DPF3: variants seen among roughly 807,000 people sequenced by gnomAD.
DPF3 encodes zinc finger protein DPF3.
DPF3 carries 18 observed loss-of-function variants against 56.8 expected under a neutral mutation model. The ratio of observed to expected loss-of-function variants is 0.32; its 90% CI spans 0.22 to 0.47. The LOEUF (loss-of-function observed/expected upper bound fraction) is 0.47. Ranked by LOEUF, DPF3 falls within the 20% of genes least tolerant of loss-of-function variation. The pLI is 1.00. For missense variants in DPF3, 403 were observed against 488.8 expected (o/e 0.82, Z 1.65); for synonymous variants, 188 against 180.2 (o/e 1.04, Z -0.35).
At chr14:72,699,644 C>T (rs4903048) in intron 6 of DPF3, among the ~76,000 whole-genome samples, 60,494 of 151,848 alleles carry the variant, frequency 0.4, 13,695 homozygotes, top group East Asian at 0.84. Context: ...ACAGGTCCTG[C>T]CAACAGCTAT....
chr14:72,816,380 G>A (rs999037240), intron 1 of DPF3, among the ~76,000 whole-genome samples: 1 of 152,098 alleles, frequency 6.6e-6, no homozygotes, highest in Non-Finnish European at 1.5e-5. Context: ...CTTCTCCATC[G>A]TATGAGTCTA....
Position 72,731,801 on chromosome 14 carries a change from G to A in DPF3, c.429+6C>T. On this transcript the variant is annotated splice_donor_region_variant and intron_variant, in intron 4 of 10. Coordinates refer to ENST00000556509, the MANE Select transcript of DPF3 (RefSeq NM_001280542.3). ...TCTGTGGGGTCCCCAGCAGGTGTGG[G>A]AATACCTGTATTTCCTGGATGCTTT... is the stretch of plus-strand genomic sequence containing the variant. 1 of 1,613,392 alleles carries A rather than the reference G, an allele frequency of 6.2e-7. No individual in the cohort carries two copies.
At chr14:72,697,657 G>C (rs538537880) in intron 6 of DPF3, among the ~76,000 whole-genome samples, 8 of 152,324 alleles carry the variant, frequency 5.3e-5, no homozygotes, top group Middle Eastern at 6.8e-3. Flanking sequence ...AAGTTAAGCA[G>C]ACTGACATGT....
chr14:72,827,264 C>A (rs1194413824), intron 1 of DPF3, among the ~76,000 whole-genome samples: 1 of 152,050 alleles, frequency 6.6e-6, no homozygotes, highest in Admixed American at 6.6e-5. Flanking sequence ...CCTCCTCCCT[C>A]CTGCCATGGC....
chr14:72,731,717 G>T, intron 4 of DPF3, 90 bp downstream of exon 4: 1 of 1,551,292 alleles, frequency 6.4e-7, no homozygotes, highest in Non-Finnish European at 8.8e-7. Context: ...GCCCTTGAGG[G>T]GAGGATCTGG....
At chr14:72,732,635 G>A (rs1429423078) in intron 3 of DPF3, among the ~76,000 whole-genome samples, 1 of 152,160 alleles carries the variant, frequency 6.6e-6, no homozygotes, top group African/African-American at 2.4e-5. Flanking sequence ...TTTTCTGAAG[G>A]TATCAGGAGT....
At chr14:72,662,875 A>C (rs933747747) in intron 8 of DPF3, 6 of 965,226 alleles carry the variant, frequency 6.2e-6, no homozygotes, top group Middle Eastern at 1.1e-3. Context: ...AAAAAACAAC[A>C]GCATGGAACA....
chr14:72,835,566 C>T (rs2140059088), intron 1 of DPF3, among the ~76,000 whole-genome samples: 1 of 152,302 alleles, frequency 6.6e-6, no homozygotes. Context: ...AGCAGTTTCT[C>T]CAGCTTGCAG....
intron 8 of DPF3, among the ~76,000 whole-genome samples, chr14:72,635,199 G>A (rs374612272): frequency 6.6e-6 from 1 of 152,276 alleles, no homozygotes; most frequent in East Asian, 1.9e-4. Context: ...TGGCTTCAGG[G>A]TGCTATTTCA....
intron 2 of DPF3, among the ~76,000 whole-genome samples, chr14:72,759,809 T>TACAGGA (rs1308505005): frequency 1.3e-5 from 2 of 151,972 alleles, no homozygotes; most frequent in African/African-American, 4.8e-5. Flanking sequence ...TGTTAACATA[T>TACAGGA]ACAGGAACAT....
chr14:72,683,312 A>G, intron 7 of DPF3, among the ~76,000 whole-genome samples: 1 of 139,998 alleles, frequency 7.1e-6, no homozygotes. Flanking sequence ...GGGTGACAGA[A>G]CAAGACCCCA....
At chr14:72,671,066 T>A (rs1886651288) in intron 8 of DPF3, 6 of 1,552,802 alleles carry the variant, frequency 3.9e-6, no homozygotes, top group South Asian at 3.6e-5. Context: ...AAAAAATATA[T>A]ATCAGAACCA....
chr14:72,755,118 C>T (rs752291442), intron 2 of DPF3, among the ~76,000 whole-genome samples: 1 of 152,208 alleles, frequency 6.6e-6, no homozygotes, highest in Non-Finnish European at 1.5e-5. Flanking sequence ...ATCTCTGGGC[C>T]TTAGGTTTCC....
intron 6 of DPF3, among the ~76,000 whole-genome samples, chr14:72,709,763 G>A (rs2153575155): frequency 6.6e-6 from 1 of 151,944 alleles, no homozygotes; most frequent in African/African-American, 2.4e-5. Flanking sequence ...CTGAGCCTCA[G>A]TTTCTTCACG....
chr14:72,756,906 A>AAAGAAAGAAAGAAAG (rs1481374037), intron 2 of DPF3, among the ~76,000 whole-genome samples: 21 of 74,708 alleles, frequency 2.8e-4, no homozygotes, highest in African/African-American at 1.0e-3. Flanking sequence ...AGAAAAGAAA[A>AAAGAAAGAAAGAAAG]AAAGAAAGAA....
intron 8 of DPF3, among the ~76,000 whole-genome samples, chr14:72,653,249 T>C (rs1052386101): frequency 6.6e-5 from 10 of 152,202 alleles, no homozygotes; most frequent in Admixed American, 1.3e-4. Context: ...ACAAGGCTGC[T>C]AGGAAGATTA....
At chr14:72,712,412 A>C (rs1888694194) in intron 6 of DPF3, among the ~76,000 whole-genome samples, 1 of 152,082 alleles carries the variant, frequency 6.6e-6, no homozygotes, top group African/African-American at 2.4e-5. Context: ...GAGGAGAGGA[A>C]CTGGGAGGGG....
chr14:72,682,171 G>A (rs1172662793), intron 7 of DPF3, among the ~76,000 whole-genome samples: 1 of 148,222 alleles, frequency 6.7e-6, no homozygotes. Flanking sequence ...CCAAGATTGT[G>A]CCACTGCACT....
intron 3 of DPF3, among the ~76,000 whole-genome samples, chr14:72,750,814 A>AAAAG (rs1890542638): frequency 6.6e-6 from 1 of 151,108 alleles, no homozygotes; most frequent in African/African-American, 2.4e-5. Context: ...AAAAAAAAAA[A>AAAAG]AAACCTGCTA....
Sources: gnomAD v4.1 joint callset for allele counts (sites outside exome capture counted in the v4.1 genomes callset) on GRCh38, gnomAD v4.1.1 for gene constraint, MANE v1.5 for transcripts, NCBI Gene and HGNC (gene_info 2026-07-23, HGNC 2026-07-21) for gene names.